Variants in FBLN1 observed in about 807,000 individuals in gnomAD.
FBLN1 encodes fibulin 1, also known as fibulin-1.
In FBLN1, 34 loss-of-function variants were observed where a neutral mutation model predicts 89.7. The observed-to-expected ratio is 0.38, with a 90% confidence interval of 0.29 to 0.50. The LOEUF (loss-of-function observed/expected upper bound fraction) is 0.50. FBLN1 is among the 20% of genes least tolerant of loss of function. FBLN1 has a pLI of 0.92. For synonymous variants in FBLN1, 393 were observed against 391.3 expected (o/e 1.00, Z -0.05); for missense variants, 777 against 988.1 (o/e 0.79, Z 2.86).
At chr22:45,600,285 A>C (rs759421814) in intron 16 of FBLN1, 22 bp from the exon 17 acceptor site, 1 of 1,614,174 alleles carries the variant, frequency 6.2e-7, no homozygotes, top group East Asian at 2.2e-5. Context: ...AACTTCCAGC[A>C]CACCTTCTGC....
chr22:45,518,976 G>A (rs557099204), intron 2 of FBLN1, among the ~76,000 whole-genome samples, 189 bp downstream of exon 2: 7 of 152,258 alleles, frequency 4.6e-5, no homozygotes, highest in African/African-American at 1.7e-4. Flanking sequence ...ACCGGGCCTT[G>A]GCTCACCCTT....
chr22:45,517,847 TA>T (rs1266912634), intron 1 of FBLN1: 1 of 347,974 alleles, frequency 2.9e-6, no homozygotes, highest in Non-Finnish European at 5.7e-6. Context: ...TGGTGGTTTT[TA>T]GGCTGGGTGC....
At chr22:45,533,017 G>A in intron 5 of FBLN1, 46 bp from the exon 6 acceptor site, 2 of 1,542,850 alleles carry the variant, frequency 1.3e-6, no homozygotes, top group Non-Finnish European at 1.8e-6. Flanking sequence ...AAACCAGGCG[G>A]TGCCTGGGTG....
At chr22:45,504,653 G>T (rs73889999) in intron 1 of FBLN1, among the ~76,000 whole-genome samples, 3 of 152,072 alleles carry the variant, frequency 2.0e-5, no homozygotes. Context: ...CCCTGGCCCC[G>T]GAGTCTCTGC....
intron 14 of FBLN1, among the ~76,000 whole-genome samples, chr22:45,551,597 T>A (rs564740923): frequency 1.3e-5 from 2 of 152,210 alleles, no homozygotes; most frequent in Non-Finnish European, 2.9e-5. Flanking sequence ...TTTCCCTGTT[T>A]CCCAGCACGG....
rs960826767 is a variant in FBLN1, at chr22:45,592,041, A to G, written c.1973-8266A>G. 5.3e-5 allele frequency among the ~76,000 whole-genome samples: 8 copies of G among 152,078 alleles called. 1 individual carries two copies. In the East Asian group the frequency reaches 7.8e-4, roughly 15 times the overall value. On this transcript the variant is annotated intron_variant, in intron 16 of 16. Transcript: ENST00000327858. ...TTTGCAGACAGGAGGAAGGAGATGT[A>G]GTGGGATGGGAAGATCTGGGCTCTG...
At chr22:45,594,221 T>C (rs912363410) in intron 16 of FBLN1, among the ~76,000 whole-genome samples, 1 of 152,122 alleles carries the variant, frequency 6.6e-6, no homozygotes, top group African/African-American at 2.4e-5. Context: ...TGCCTCCCTG[T>C]GTTAGAGAAG....
chr22:45,528,095 T>C, intron 4 of FBLN1, 86 bp downstream of exon 4: 1 of 1,474,866 alleles, frequency 6.8e-7, no homozygotes. Context: ...GAGAGAGAGA[T>C]TTTAAGGACT....
intron 16 of FBLN1, among the ~76,000 whole-genome samples, chr22:45,591,677 C>A (rs968597522): frequency 1.3e-5 from 2 of 152,158 alleles, no homozygotes; most frequent in Non-Finnish European, 2.9e-5. Context: ...GAGCTCAGTC[C>A]CTTCAACTGC....
At position 45,580,345 on chromosome 22, in the gene FBLN1, C is replaced by T. The variant is rs956064116; in HGVS notation, c.1972+3237C>T. Among the ~76,000 whole-genome samples the T allele has an allele frequency of 1.3e-5, 2 of 152,286 alleles. No individual in the cohort carries two copies. Among genetic ancestry groups the T allele is most frequent in the East Asian group, 1.9e-4 (1 of 5,146 alleles). ...AGCACACGGCAGGGAACGCCGCCTA[C>T]TCACGGTGCTTGCTGAACACCTGTC... On this transcript the variant is annotated intron_variant, in intron 16 of 16. Coordinates refer to ENST00000327858, the MANE Select transcript of FBLN1 (RefSeq NM_006486.3). This position sits in a 1 kb window ranked among gnomAD's most constrained non-coding sequence, Gnocchi z 8.6.
Position 45,575,942 on chromosome 22 carries a change from A to G in FBLN1, c.1841-1035A>G, listed in dbSNP as rs752748675. ...CCCCTCTGTGTCAGGCTCTAGGGACATGGTGATAAGAAGGGGTCCTCCCAC... is the reference window on the plus strand; with the variant it reads ...CCCCTCTGTGTCAGGCTCTAGGGACGTGGTGATAAGAAGGGGTCCTCCCAC... On this transcript the variant is annotated intron_variant, in intron 15 of 16. Transcript: ENST00000327858. This position sits in a 1 kb window ranked among gnomAD's most constrained non-coding sequence, Gnocchi z 6.3. Among the ~76,000 whole-genome samples, 55 of 152,158 alleles carry G rather than the reference A, an allele frequency of 3.6e-4. 2 individuals are homozygous for G. Among genetic ancestry groups the G allele is most frequent in the Admixed American group, 3.1e-3 (47 of 15,276 alleles).
rs778944005 is a variant in FBLN1, at chr22:45,536,929, G to C, written c.922+1592G>C. ...GGGAGCTGGCCGGCCTGGGTTACTG[G>C]TTCTGGAAAGACAGGAGGTGAGTCC... On this transcript the variant is annotated intron_variant, in intron 8 of 16. Transcript: ENST00000327858. This position sits in a 1 kb window ranked among gnomAD's most constrained non-coding sequence, Gnocchi z 5.1. Among the ~76,000 whole-genome samples the C allele has an allele frequency of 1.3e-5, 2 of 152,234 alleles. No homozygotes were observed. Among genetic ancestry groups the C allele is most frequent in the African/African-American group, 4.8e-5 (2 of 41,466 alleles).
intron 1 of FBLN1, among the ~76,000 whole-genome samples, chr22:45,510,183 G>A (rs1354594538): frequency 1.3e-5 from 2 of 152,138 alleles, no homozygotes; most frequent in Non-Finnish European, 2.9e-5. Flanking sequence ...CCACTTCACA[G>A]AGGTAGGGGA....
intron 11 of FBLN1, 130 bp downstream of exon 11, chr22:45,543,656 T>C: frequency 7.9e-7 from 1 of 1,258,770 alleles, no homozygotes; most frequent in Non-Finnish European, 1.1e-6. Flanking sequence ...GCAGGGGAAG[T>C]GCCTGTAAAA....
intron 14 of FBLN1, among the ~76,000 whole-genome samples, chr22:45,567,786 C>A (rs1015121833): frequency 6.6e-6 from 1 of 152,054 alleles, no homozygotes; most frequent in Non-Finnish European, 1.5e-5. Context: ...GCAGTTCAGG[C>A]CCACCTGCAT....
chr22:45,554,529 C>A (rs1292847203), intron 14 of FBLN1, among the ~76,000 whole-genome samples: 2 of 152,260 alleles, frequency 1.3e-5, no homozygotes, highest in Non-Finnish European at 2.9e-5. Flanking sequence ...CAAGTAAATG[C>A]AAGGCCTCCT....
intron 3 of FBLN1, among the ~76,000 whole-genome samples, chr22:45,525,888 G>A (rs1487406685): frequency 6.6e-6 from 1 of 152,218 alleles, no homozygotes. Context: ...AGGACACCTG[G>A]GGCCGAGTCT....
At chr22:45,517,689 G>A (rs1469830030) in intron 1 of FBLN1, 4 of 464,754 alleles carry the variant, frequency 8.6e-6, no homozygotes, top group East Asian at 1.4e-4. Context: ...GTGGAAGAGG[G>A]GATCTTGTGG....
At chr22:45,544,229 G>A (rs1339126997) in intron 11 of FBLN1, among the ~76,000 whole-genome samples, 1 of 152,198 alleles carries the variant, frequency 6.6e-6, no homozygotes, top group Non-Finnish European at 1.5e-5. Flanking sequence ...TGGGATTACA[G>A]GTGCACACCA....
Sources: allele counts gnomAD v4.1 joint callset (sites outside exome capture counted in the v4.1 genomes callset), GRCh38; gene constraint gnomAD v4.1.1; non-coding constraint Gnocchi (gnomAD v3.1); transcripts MANE v1.5; gene names NCBI Gene and HGNC (gene_info 2026-07-23, HGNC 2026-07-21).